Variants in NRK observed in about 807,000 individuals in gnomAD.
The protein encoded by NRK is Nik related kinase, also known as nik-related protein kinase.
In NRK, 67 loss-of-function variants were observed where a neutral mutation model predicts 125.2. That is an observed-to-expected ratio of 0.54 (90% CI 0.44 to 0.66). The LOEUF is 0.66. NRK is among the 30% of genes least tolerant of loss of function. NRK has a pLI of 0.00. For missense variants in NRK, 1,224 were observed against 1,192.9 expected, an observed-to-expected ratio of 1.03 and a Z score of -0.38; for synonymous variants, 458 against 429.0, an observed-to-expected ratio of 1.07 and a Z score of -0.84.
At chrX:105,827,379 T>G (rs2039129323) in intron 1 of NRK, among the ~76,000 whole-genome samples, 1 of 112,027 alleles carries the variant, frequency 8.9e-6, no homozygotes, top group Admixed American at 9.5e-5. Flanking sequence ...TATCCTAAAT[T>G]TGAAATTTCT....
intron 15 of NRK, among the ~76,000 whole-genome samples, chrX:105,916,753 T>C (rs769352903): frequency 1.8e-5 from 2 of 111,731 alleles, no homozygotes; most frequent in East Asian, 5.6e-4. Context: ...GAGTAGTTGG[T>C]TTTGGTATCA....
At chrX:105,857,647 A>G (rs182853958) in intron 2 of NRK, among the ~76,000 whole-genome samples, 1 of 111,124 alleles carries the variant, frequency 9.0e-6, no homozygotes, top group East Asian at 2.8e-4. Context: ...AGCCAATTCA[A>G]AGGGACCCTT....
chrX:105,942,517 C>T (rs943076082), intron 23 of NRK, among the ~76,000 whole-genome samples: 6 of 111,816 alleles, frequency 5.4e-5, no homozygotes, highest in Non-Finnish European at 7.5e-5. Context: ...GTTTACTGAC[C>T]ATTTGGAGAC....
intron 5 of NRK, among the ~76,000 whole-genome samples, chrX:105,888,697 C>T (rs1227757531): frequency 9.0e-6 from 1 of 111,151 alleles, no homozygotes; most frequent in Non-Finnish European, 1.9e-5. Context: ...ACAATCACGG[C>T]AGAAGGCAAA....
At position 105,935,328 on chromosome X, in the gene NRK, G is replaced by C. The variant is rs374409180; in HGVS notation, c.3655+3G>C. On this transcript the variant is annotated splice_donor_region_variant and intron_variant, in intron 21 of 28. Transcript: ENST00000243300. ...GATCTGCTGTGGTTCTTTGTGGGGT[G>C]AGTTTGTTTTGTTTTCTTAAAGAAT... 95 of 1,160,918 alleles carry C rather than the reference G, an allele frequency of 8.2e-5. No individual in the cohort carries two copies. Among genetic ancestry groups the C allele is most frequent in the Non-Finnish European group, 1.1e-4 (91 of 862,959 alleles).
chrX:105,901,150 G>GT (rs1173279819), intron 9 of NRK, among the ~76,000 whole-genome samples: 74 of 106,433 alleles, frequency 7.0e-4, no homozygotes, highest in African/African-American at 1.2e-3. Context: ...AAGTAAGCCT[G>GT]TTTTTTTTTT....
intron 14 of NRK, 23 bp from the exon 15 acceptor site, chrX:105,915,707 A>T (rs2040356258): frequency 1.1e-6 from 1 of 922,468 alleles, no homozygotes; most frequent in Non-Finnish European, 1.5e-6. Flanking sequence ...AATTCTACTG[A>T]AGTATTGCAT....
In NRK at chrX:105,906,529, C is replaced by T. The variant is rs2040221098; in HGVS notation, c.961C>T (p.His321Tyr). ...TGTTCGGGATATAAAAAATGAACGA[C>T]ATGTTGTTGAGTCATTAACAAGGCA... ...PFVRDIKNER[H>Y]VVESLTRHLT... Residue 321 changes from histidine (H) to tyrosine (Y), a missense_variant, in exon 11 of 29, where the codon CAT becomes TAT. His to Tyr is a moderately conservative substitution (Grantham distance 83, BLOSUM62 2). Coordinates refer to ENST00000243300, the MANE Select transcript of NRK (RefSeq NM_198465.4). 1 of 1,157,343 alleles carries T rather than the reference C, an allele frequency of 8.6e-7. No homozygotes were observed. Among genetic ancestry groups the T allele is most frequent in the East Asian group, 3.0e-5 (1 of 32,832 alleles).
At position 105,924,736 on chromosome X, in the gene NRK, A is replaced by G; in HGVS notation, c.3017A>G (p.Tyr1006Cys). ...GRDGSCKQDG[Y>C]DGSRGKEEAY... The stretch of plus-strand genomic sequence containing the variant: ...GATGGAAGCTGCAAGCAAGATGGTT[A>G]TGATGGAAGTCGTGGAAAAGAGGAA... Residue 1006 changes from tyrosine (Y) to cysteine (C), a missense_variant, in exon 19 of 29, where the codon TAT becomes TGT. Transcript: ENST00000243300. 8.3e-7 allele frequency: 1 copy of G among 1,202,403 alleles called. No homozygotes were observed. Among genetic ancestry groups the G allele is most frequent in the Admixed American group, 2.2e-5 (1 of 44,661 alleles).
At position 105,924,911 on chromosome X, in the gene NRK, A is replaced by T; in HGVS notation, c.3192A>T (p.Gly1064=). The change falls in exon 19 of 29, where the codon GGA becomes GGT. Residue 1064 remains glycine (G), a synonymous_variant. Transcript: ENST00000243300. ...GCAGTGAGGGTGATGGAGGTAAGGG[A>T]GTCGTTCGAACCAGTGAAGAGAGTG... is the stretch of plus-strand genomic sequence containing the variant. ...RRGSEGDGGK[G]VVRTSEESGA... is the part of the protein sequence containing the mutation. 1 of 1,210,094 alleles carries T rather than the reference A, an allele frequency of 8.3e-7. No homozygotes were observed. Among genetic ancestry groups the T allele is most frequent in the African/African-American group, 1.7e-5 (1 of 57,769 alleles).
chrX:105,932,199 A>G (rs1214567870), intron 19 of NRK, among the ~76,000 whole-genome samples: 1 of 112,079 alleles, frequency 8.9e-6, no homozygotes, highest in African/African-American at 3.2e-5. Flanking sequence ...TATCTTATGC[A>G]TTCACCACAT....
At position 105,863,227 on chromosome X, in the gene NRK, T is replaced by C. The variant is rs144275266; in HGVS notation, c.124-16972T>C. ...AGAAGGTACGAAGGCAGTTGTGTTA[T>C]TGAATACTATTACTACTGGAGAATA... On this transcript the variant is annotated intron_variant, in intron 2 of 28. Coordinates refer to ENST00000243300, the MANE Select transcript of NRK (RefSeq NM_198465.4). 2.0e-3 allele frequency among the ~76,000 whole-genome samples: 219 copies of C among 110,932 alleles called. 3 individuals carry two copies. Among genetic ancestry groups the C allele is most frequent in the African/African-American group, 7.0e-3 (213 of 30,481 alleles).
In NRK at chrX:105,945,932, C is replaced by G. The variant is rs768058273; in HGVS notation, c.4120C>G (p.Arg1374Gly). 8.3e-7 allele frequency: 1 copy of G among 1,206,337 alleles called. No individual in the cohort carries two copies. Among genetic ancestry groups the G allele is most frequent in the Admixed American group, 2.2e-5 (1 of 45,940 alleles). Residue 1374 changes from arginine (R) to glycine (G), a missense_variant, in exon 25 of 29, where the codon CGA (arginine) becomes GGA (glycine). Physicochemically the swap from Arg to Gly is moderately radical, Grantham distance 125. Transcript: ENST00000243300. ...CTACATGTCCTATCAAGCCTATATA[C>G]GAATACTGGCAAAAATACAGGCAGC... ...GDYMSYQAYI[R>G]ILAKIQAADP...
At chrX:105,918,274 A>C (rs1036739471) in intron 16 of NRK, among the ~76,000 whole-genome samples, 24 of 111,531 alleles carry the variant, frequency 2.2e-4, no homozygotes, top group African/African-American at 7.1e-4. Flanking sequence ...AGATTTATGA[A>C]ATATTAGGAT....
At chrX:105,931,667 A>G (rs1480522897) in intron 19 of NRK, among the ~76,000 whole-genome samples, 1 of 110,616 alleles carries the variant, frequency 9.0e-6, no homozygotes, top group Non-Finnish European at 1.9e-5. Flanking sequence ...CAGTGACCTC[A>G]CCACCCCATC....
intron 7 of NRK, among the ~76,000 whole-genome samples, chrX:105,896,505 G>A (rs1481535236): frequency 1.8e-5 from 2 of 111,685 alleles, no homozygotes; most frequent in Non-Finnish European, 3.8e-5. Flanking sequence ...TTTCTTTTGT[G>A]TCTGTCTAAA....
chrX:105,867,529 C>T (rs964407899), intron 2 of NRK, among the ~76,000 whole-genome samples: 9 of 112,171 alleles, frequency 8.0e-5, no homozygotes, highest in African/African-American at 2.9e-4. Flanking sequence ...CCGAGTAACA[C>T]ATAAATGGTT....
Position 105,942,278 on chromosome X carries a change from A to G in NRK, c.3959-1663A>G, listed in dbSNP as rs73535205. Reference sequence around the variant, plus strand: ...CATACATCTTCATATGTGGATATGTATGGTTTTTTTCTCTTGGATAGTATC... The same window carrying G: ...CATACATCTTCATATGTGGATATGTGTGGTTTTTTTCTCTTGGATAGTATC... On this transcript the variant is annotated intron_variant, in intron 23 of 28. Coordinates refer to ENST00000243300, the MANE Select transcript of NRK (RefSeq NM_198465.4). Among the ~76,000 whole-genome samples, 458 of 112,025 alleles carry G rather than the reference A, an allele frequency of 4.1e-3. 3 individuals are homozygous for G. The highest frequency in any genetic ancestry group is 0.014 in the African/African-American group (440 of 30,885).
intron 22 of NRK, 27 bp downstream of exon 22, chrX:105,937,609 A>C: frequency 8.9e-7 from 1 of 1,122,188 alleles, no homozygotes; most frequent in South Asian, 2.0e-5. Flanking sequence ...AAATTAGCTG[A>C]GTAATTATGC....
Sources: allele counts gnomAD v4.1 joint callset (sites outside exome capture counted in the v4.1 genomes callset), GRCh38; gene constraint gnomAD v4.1.1; transcripts MANE v1.5; gene names NCBI Gene and HGNC (gene_info 2026-07-23, HGNC 2026-07-21).